Variants in TSHR observed in about 807,000 individuals in gnomAD.
TSHR encodes thyrotropin receptor.
A neutral mutation model predicts 64.1 loss-of-function variants in TSHR; 51 were observed. The ratio of observed to expected loss-of-function variants is 0.80; its 90% CI spans 0.64 to 1.01. TSHR has a LOEUF of 1.01. Among genes scored for constraint, TSHR ranks in the 50% least tolerant of loss-of-function variants. The pLI is 0.00. For synonymous variants in TSHR, 361 were observed against 361.9 expected (o/e 1.00, Z 0.03); for missense variants, 877 against 942.8 (o/e 0.93, Z 0.91).
intron 7 of TSHR, 25 bp from the exon 8 acceptor site, chr14:81,108,350 T>TCTCC (rs1346859624): frequency 5.7e-6 from 9 of 1,566,882 alleles, no homozygotes; most frequent in Non-Finnish European, 7.9e-6. Context: ...TCATTCTCTC[T>TCTCC]CTCTCTTTCT....
At chr14:81,131,733 A>T (rs1418403008) in intron 8 of TSHR, among the ~76,000 whole-genome samples, 2 of 152,050 alleles carry the variant, frequency 1.3e-5, no homozygotes, top group African/African-American at 4.8e-5. Context: ...CTTCCCTGAC[A>T]CTGTCCCCTC....
At chr14:80,976,014 C>A (rs1332353615) in intron 1 of TSHR, among the ~76,000 whole-genome samples, 1 of 151,934 alleles carries the variant, frequency 6.6e-6, no homozygotes, top group East Asian at 1.9e-4. Flanking sequence ...CGGGTTCACA[C>A]CATTCTCCTG....
intron 9 of TSHR, among the ~76,000 whole-genome samples, chr14:81,140,720 C>T (rs61980877): frequency 1.3e-5 from 2 of 152,210 alleles, no homozygotes; most frequent in East Asian, 3.8e-4. Flanking sequence ...TTCAGTCCTC[C>T]TCAGCTTCTA....
At chr14:81,012,578 T>C (rs1889973601) in intron 1 of TSHR, 1 of 152,098 alleles carries the variant, frequency 6.6e-6, no homozygotes, top group South Asian at 2.1e-4. Flanking sequence ...GTGTTCCTAT[T>C]TCTCCACATC....
At chr14:81,042,599 A>C (rs1884975419) in intron 1 of TSHR, among the ~76,000 whole-genome samples, 1 of 152,170 alleles carries the variant, frequency 6.6e-6, no homozygotes, top group Non-Finnish European at 1.5e-5. Flanking sequence ...ACATCATAGA[A>C]GTAGAGTGTA....
At chr14:81,066,357 G>T (rs186767709) in intron 2 of TSHR, among the ~76,000 whole-genome samples, 1 of 152,240 alleles carries the variant, frequency 6.6e-6, no homozygotes, top group East Asian at 1.9e-4. Flanking sequence ...GTCTCTACAC[G>T]GTAAATTAAT....
intron 8 of TSHR, among the ~76,000 whole-genome samples, chr14:81,114,352 C>A (rs61980871): frequency 6.6e-6 from 1 of 152,212 alleles, no homozygotes; most frequent in African/African-American, 2.4e-5. Context: ...CAGGGCGAGG[C>A]ATTGCCTCAC....
Position 81,139,839 on chromosome 14 carries a change from G to C in TSHR, c.853G>C (p.Ala285Pro). ...CCTTTCTTACCCAAGCCACTGCTGT[G>C]CTTTTAAGAATCAGAAGAAAATCAG... is the stretch of plus-strand genomic sequence containing the variant. Reference protein sequence around the residue: ...ADLSYPSHCCAFKNQKKIRGI... With the variant: ...ADLSYPSHCCPFKNQKKIRGI... Residue 285 changes from alanine (A) to proline (P), a missense_variant, in exon 9 of 10, where the codon GCT (alanine) becomes CCT (proline). Coordinates refer to ENST00000298171, the MANE Select transcript of TSHR (RefSeq NM_000369.5). 1 of 1,614,192 alleles carries C rather than the reference G, an allele frequency of 6.2e-7. No individual in the cohort carries two copies. The highest frequency in any genetic ancestry group is 8.5e-7 in the Non-Finnish European group (1 of 1,180,032).
intron 1 of TSHR, among the ~76,000 whole-genome samples, chr14:80,979,295 A>ATATGTGGAGTCTAACATCATGCG (rs1888050496): frequency 6.6e-6 from 1 of 152,244 alleles, no homozygotes; most frequent in Non-Finnish European, 1.5e-5. Context: ...AACATCATGC[A>ATATGTGGAGTCTAACATCATGCG]TATGTGGAGT....
chr14:81,140,460 T>C (rs1255025349), intron 9 of TSHR, among the ~76,000 whole-genome samples: 5 of 152,122 alleles, frequency 3.3e-5, no homozygotes, highest in South Asian at 2.1e-4. Context: ...TTTGAGAAGA[T>C]TAAATGAGAA....
intron 1 of TSHR, among the ~76,000 whole-genome samples, chr14:80,973,468 A>T (rs1246969431): frequency 2.0e-5 from 3 of 149,050 alleles, no homozygotes; most frequent in Non-Finnish European, 3.0e-5. Context: ...GCTACCAAAC[A>T]TACTTTCCCG....
rs568675237 is a variant in TSHR at position 81,144,240 on chromosome 14, A to G, written c.2182A>G (p.Met728Val). The stretch of plus-strand genomic sequence containing the variant: ...TCAGGTTCAAAAGGTTACCCACGAG[A>G]TGAGGCAGGGTCTCCACAACATGGA... ...DIQVQKVTHE[M>V]RQGLHNMEDV... The change falls in exon 10 of 10, where the codon ATG becomes GTG. Residue 728 changes from methionine to valine, a missense_variant. By Grantham distance (21) the Met-to-Val change is conservative. Transcript: ENST00000298171. The G allele has an allele frequency of 1.2e-6, 2 of 1,613,572 alleles. No homozygotes were observed. Among genetic ancestry groups the G allele is most frequent in the East Asian group, 2.2e-5 (1 of 44,874 alleles).
chr14:81,115,834 G>A (rs1203817156), intron 8 of TSHR, among the ~76,000 whole-genome samples: 8 of 152,052 alleles, frequency 5.3e-5, no homozygotes, highest in East Asian at 1.9e-4. Flanking sequence ...TGGATCTCTC[G>A]GCAGAAACCC....
At chr14:80,969,663 T>C (rs554548731) in intron 1 of TSHR, among the ~76,000 whole-genome samples, 2 of 152,324 alleles carry the variant, frequency 1.3e-5, no homozygotes, top group South Asian at 2.1e-4. Context: ...CCTGTCACCA[T>C]GACCACTTCA....
intron 1 of TSHR, among the ~76,000 whole-genome samples, chr14:81,032,242 AGG>A (rs1415296632): frequency 6.6e-6 from 1 of 152,174 alleles, no homozygotes; most frequent in Admixed American, 6.6e-5. Flanking sequence ...TTCCTACCAC[AGG>A]CTTCCTGAGG....
At chr14:81,035,195 GC>G (rs1415757204) in intron 1 of TSHR, among the ~76,000 whole-genome samples, 12 of 152,198 alleles carry the variant, frequency 7.9e-5, no homozygotes, top group Non-Finnish European at 1.5e-5. Context: ...GCATGAAGAA[GC>G]TATAAGAATT....
At chr14:81,006,742 T>C (rs1252829734) in intron 1 of TSHR, among the ~76,000 whole-genome samples, 1 of 152,090 alleles carries the variant, frequency 6.6e-6, no homozygotes. Context: ...CTGCATCTCC[T>C]GACCTCGTGA....
chr14:81,001,399 G>T, intron 1 of TSHR: 1 of 410,988 alleles, frequency 2.4e-6, no homozygotes, highest in South Asian at 1.9e-5. Flanking sequence ...GGGTTAATCC[G>T]ACCATGAGCT....
chr14:81,059,727 T>A (rs539125132), intron 1 of TSHR, among the ~76,000 whole-genome samples: 1 of 152,138 alleles, frequency 6.6e-6, no homozygotes, highest in Non-Finnish European at 1.5e-5. Flanking sequence ...CTTATTGGTC[T>A]ATATATATTG....
Sources: gnomAD v4.1 joint callset for allele counts (sites outside exome capture counted in the v4.1 genomes callset) on GRCh38, gnomAD v4.1.1 for gene constraint, MANE v1.5 for transcripts, NCBI Gene and HGNC (gene_info 2026-07-23, HGNC 2026-07-21) for gene names.